CNBD1: variants seen among roughly 807,000 people sequenced by gnomAD.
The protein encoded by CNBD1 is cyclic nucleotide-binding domain-containing protein 1.
Under a neutral mutation model 54.4 loss-of-function variants are expected in CNBD1, and 71 were observed. The observed-to-expected ratio is 1.30, with a 90% CI of 1.08 to 1.59. The LOEUF is 1.59. CNBD1 is among the 40% of genes most tolerant of loss of function. The pLI is 0.00. For missense variants in CNBD1, 659 were observed against 518.0 expected (o/e 1.27, Z -2.64); for synonymous variants, 182 against 170.7 (o/e 1.07, Z -0.51).
intron 4 of CNBD1, among the ~76,000 whole-genome samples, chr8:87,083,537 C>T (rs899269184): frequency 4.6e-5 from 7 of 151,944 alleles, no homozygotes; most frequent in African/African-American, 1.5e-4. Context: ...GCCTGGACTC[C>T]CCACCCTCTT....
chr8:87,377,674 G>T (rs1810979781), intron 10 of CNBD1, among the ~76,000 whole-genome samples: 1 of 147,072 alleles, frequency 6.8e-6, no homozygotes, highest in Admixed American at 6.8e-5. Context: ...ACCCAGTAAT[G>T]GGATGGCTGG....
chr8:87,303,492 T>C (rs1291028408), intron 8 of CNBD1, among the ~76,000 whole-genome samples: 2 of 151,860 alleles, frequency 1.3e-5, no homozygotes, highest in Admixed American at 6.6e-5. Flanking sequence ...TAATTCAAGA[T>C]GGATTAAAGA....
intron 2 of CNBD1, among the ~76,000 whole-genome samples, chr8:87,395,736 C>G (rs1176602531): frequency 2.0e-5 from 3 of 151,694 alleles, no homozygotes; most frequent in Non-Finnish European, 4.4e-5. Context: ...GGCTGTATCC[C>G]CACCCAAATC....
At chr8:87,099,034 CAAAAAAAAAAA>C (rs11402011) in intron 4 of CNBD1, among the ~76,000 whole-genome samples, 1 of 23,036 alleles carries the variant, frequency 4.3e-5, no homozygotes, top group Non-Finnish European at 8.8e-5. Context: ...GACTGTGTCT[CAAAAAAAAAAA>C]AAAAAAAAAA....
intron 4 of CNBD1, among the ~76,000 whole-genome samples, chr8:87,135,132 T>G (rs1012476887): frequency 1.3e-5 from 2 of 152,154 alleles, no homozygotes; most frequent in African/African-American, 4.8e-5. Context: ...TAGATCATTT[T>G]GGTTGTTAAA....
At chr8:87,425,830 G>A (rs1808037116) in intron 2 of CNBD1, among the ~76,000 whole-genome samples, 1 of 152,242 alleles carries the variant, frequency 6.6e-6, no homozygotes, top group East Asian at 1.9e-4. Flanking sequence ...GCCTCCTTGA[G>A]CTGTGGTGGG....
intron 3 of CNBD1, among the ~76,000 whole-genome samples, chr8:86,918,242 G>A (rs1433616211): frequency 6.6e-6 from 1 of 152,084 alleles, no homozygotes; most frequent in Non-Finnish European, 1.5e-5. Context: ...AAAAAAATTT[G>A]TAAACATGCT....
chr8:87,301,765 A>G (rs924299828), intron 8 of CNBD1, among the ~76,000 whole-genome samples: 4 of 152,166 alleles, frequency 2.6e-5, no homozygotes, highest in African/African-American at 7.2e-5. Context: ...AAGAAAAGAG[A>G]GAAGAATCAA....
At chr8:87,096,512 G>T (rs2130687248) in intron 4 of CNBD1, among the ~76,000 whole-genome samples, 1 of 152,180 alleles carries the variant, frequency 6.6e-6, no homozygotes, top group African/African-American at 2.4e-5. Flanking sequence ...ATCCATAGTG[G>T]GGAATTGAAG....
At chr8:87,050,362 A>G (rs982642704) in intron 4 of CNBD1, among the ~76,000 whole-genome samples, 1 of 152,162 alleles carries the variant, frequency 6.6e-6, no homozygotes, top group Non-Finnish European at 1.5e-5. Context: ...GAAACCTTAT[A>G]TCCTCTCTTA....
intron 10 of CNBD1, among the ~76,000 whole-genome samples, chr8:87,370,213 C>G (rs1361245414): frequency 6.6e-6 from 1 of 151,928 alleles, no homozygotes; most frequent in African/African-American, 2.4e-5. Flanking sequence ...TTTATAGCAG[C>G]ATGATTTGTA....
rs1346655646 is a variant in CNBD1 at position 87,422,583 on chromosome 8, C to T, written c.214-5963C>T. 2.8e-4 allele frequency among the ~76,000 whole-genome samples: 42 copies of T among 152,166 alleles called. No homozygotes were observed. The East Asian group carries it at 5.0e-3, about 18-fold the overall frequency. ...AGGTTTGTCAAAGATCAGATAGTTG[C>T]AGATATGCGGCGTTATTTCTGAGGG... On this transcript the variant is annotated intron_variant, in intron 2 of 7. Coordinates refer to the CNBD1 transcript ENST00000521593.
intron 6 of CNBD1, among the ~76,000 whole-genome samples, chr8:87,281,040 G>A (rs762879635): frequency 4.0e-5 from 6 of 151,346 alleles, no homozygotes; most frequent in Non-Finnish European, 5.9e-5. Context: ...TTTAAGAACT[G>A]CTATATTTAT....
chr8:86,975,692 G>C (rs1007687140), intron 4 of CNBD1, among the ~76,000 whole-genome samples: 1 of 152,008 alleles, frequency 6.6e-6, no homozygotes, highest in Non-Finnish European at 1.5e-5. Context: ...ATGAATGTGG[G>C]AGTGCAGTTA....
chr8:87,043,034 A>G (rs1586217926), intron 4 of CNBD1, among the ~76,000 whole-genome samples: 1 of 152,346 alleles, frequency 6.6e-6, no homozygotes, highest in East Asian at 1.9e-4. Flanking sequence ...GGAAAGGCAG[A>G]TTTATTAGAG....
At chr8:87,275,332 G>A (rs1232874238) in intron 6 of CNBD1, among the ~76,000 whole-genome samples, 1 of 150,946 alleles carries the variant, frequency 6.6e-6, no homozygotes, top group Non-Finnish European at 1.5e-5. Flanking sequence ...GTGGCTTGAT[G>A]GGGATAGCAT....
chr8:86,885,996 C>T (rs947155101), intron 1 of CNBD1, among the ~76,000 whole-genome samples: 2 of 152,088 alleles, frequency 1.3e-5, no homozygotes, highest in African/African-American at 4.8e-5. Flanking sequence ...TTTTTTGTCA[C>T]CTGCTTTAAA....
intron 4 of CNBD1, among the ~76,000 whole-genome samples, chr8:87,011,904 AG>A (rs1411526439): frequency 1.3e-5 from 2 of 152,170 alleles, no homozygotes; most frequent in Non-Finnish European, 2.9e-5. Context: ...TTGTGCTTGA[AG>A]GGGGAAAACA....
At chr8:87,087,193 G>A in intron 4 of CNBD1, among the ~76,000 whole-genome samples, 1 of 133,162 alleles carries the variant, frequency 7.5e-6, no homozygotes, top group Admixed American at 7.5e-5. Flanking sequence ...AAAAAAAAAT[G>A]TTAGTGAGGC....
Sources: allele counts gnomAD v4.1 joint callset (sites outside exome capture counted in the v4.1 genomes callset), GRCh38; gene constraint gnomAD v4.1.1; transcripts MANE v1.5; gene names NCBI Gene and HGNC (gene_info 2026-07-23, HGNC 2026-07-21).